ACO1: variants seen among roughly 807,000 people sequenced by gnomAD.
The protein encoded by ACO1 is aconitase 1, also known as cytoplasmic aconitate hydratase.
ACO1 carries 78 observed loss-of-function variants against 105.1 expected under a neutral mutation model. The observed-to-expected ratio is 0.74, with a 90% CI of 0.62 to 0.90. ACO1 has a LOEUF of 0.90. ACO1 is among the 40% of genes least tolerant of loss of function. The pLI is 0.00. For missense variants in ACO1, 965 were observed against 1,111.1 expected (o/e 0.87, Z 1.87); for synonymous variants, 364 against 397.4 (o/e 0.92, Z 1.00).
chr9:32,393,236 C>G (rs1014581769), intron 1 of ACO1, among the ~76,000 whole-genome samples: 1 of 152,304 alleles, frequency 6.6e-6, no homozygotes, highest in South Asian at 2.1e-4. Context: ...TTGTTTTTCT[C>G]AGCAAGGAAC....
At chr9:32,431,272 C>T (rs1483284169) in intron 14 of ACO1, among the ~76,000 whole-genome samples, 1 of 152,130 alleles carries the variant, frequency 6.6e-6, no homozygotes, top group Non-Finnish European at 1.5e-5. Context: ...TTCAGCTCTC[C>T]TGCGATATAT....
chr9:32,413,877 C>T (rs1049195037), intron 4 of ACO1, among the ~76,000 whole-genome samples: 2 of 151,880 alleles, frequency 1.3e-5, no homozygotes, highest in African/African-American at 2.4e-5. Flanking sequence ...TGACTGGGCA[C>T]GGTGGCTCAT....
intron 1 of ACO1, among the ~76,000 whole-genome samples, chr9:32,392,766 C>T (rs569272054): frequency 1.1e-3 from 161 of 152,274 alleles, no homozygotes; most frequent in Admixed American, 1.9e-3. Context: ...ACGGAGGGAC[C>T]GGCTGAAGCC....
At chr9:32,427,247 T>C (rs1822119768) in intron 11 of ACO1, 54 bp from the exon 12 acceptor site, 1 of 1,605,626 alleles carries the variant, frequency 6.2e-7, no homozygotes, top group East Asian at 2.2e-5. Context: ...GAAGTGTGCC[T>C]GGCACCTAGA....
At chr9:32,417,998 T>C (rs1376305756) in intron 4 of ACO1, 130 bp from the exon 5 acceptor site, 3 of 752,712 alleles carry the variant, frequency 4.0e-6, no homozygotes, top group Non-Finnish European at 6.6e-6. Flanking sequence ...TAAATAGTCA[T>C]GAATGAAATT....
At chr9:32,404,333 G>C in intron 1 of ACO1, among the ~76,000 whole-genome samples, 1 of 151,738 alleles carries the variant, frequency 6.6e-6, no homozygotes, top group African/African-American at 2.4e-5. Context: ...TAATCCCTCC[G>C]CCCCTTTTTT....
At chr9:32,427,153 GA>G (rs1822118000) in intron 11 of ACO1, 147 bp from the exon 12 acceptor site, 2 of 987,422 alleles carry the variant, frequency 2.0e-6, no homozygotes, top group Admixed American at 2.9e-5. Flanking sequence ...TTTGGCAGCA[GA>G]AACAGCAGAT....
At chr9:32,430,101 TC>T (rs1822192570) in intron 13 of ACO1, among the ~76,000 whole-genome samples, 1 of 152,232 alleles carries the variant, frequency 6.6e-6, no homozygotes, top group Non-Finnish European at 1.5e-5. Context: ...CATTGTGACT[TC>T]CTTTAACGAT....
intron 12 of ACO1, among the ~76,000 whole-genome samples, chr9:32,428,662 C>A (rs1822154317): frequency 6.6e-6 from 1 of 152,060 alleles, no homozygotes; most frequent in African/African-American, 2.4e-5. Flanking sequence ...CACGGTGAAA[C>A]CCCGTCTCTA....
intron 6 of ACO1, 46 bp downstream of exon 6, chr9:32,418,557 T>C: frequency 6.5e-7 from 1 of 1,545,610 alleles, no homozygotes; most frequent in East Asian, 2.3e-5. Context: ...GCACTTTAAT[T>C]CACTGTGATT....
chr9:32,420,888 T>G lies in ACO1; in HGVS notation c.831T>G (p.Phe277Leu). The G allele has an allele frequency of 6.2e-6, 10 of 1,613,944 alleles. No homozygotes were observed. The highest frequency in any genetic ancestry group is 7.6e-6 in the Non-Finnish European group (9 of 1,179,852). ...HLRQVGVVGKFVEFFGPGVAQ... is the reference protein window; with the variant it reads ...HLRQVGVVGKLVEFFGPGVAQ... ...GCCAGGTTGGGGTAGTGGGCAAATTTGTCGAGTTCTTCGGGCCTGGAGTAG... is the reference window on the plus strand; with the variant it reads ...GCCAGGTTGGGGTAGTGGGCAAATTGGTCGAGTTCTTCGGGCCTGGAGTAG... Residue 277 changes from phenylalanine (F) to leucine (L), a missense_variant, in exon 8 of 21, where the codon TTT becomes TTG. By Grantham distance (22) the Phe-to-Leu change is conservative. Transcript: ENST00000309951.
At chr9:32,422,620 C>G (rs576395400) in intron 8 of ACO1, among the ~76,000 whole-genome samples, 1 of 152,222 alleles carries the variant, frequency 6.6e-6, no homozygotes, top group African/African-American at 2.4e-5. Context: ...AGTTAAATAG[C>G]AGAGGGTTCA....
In ACO1 at chr9:32,424,650, C is replaced by A. The variant is rs781637839; in HGVS notation, c.1173C>A (p.Ser391Arg). The part of the protein sequence containing the change: ...AVSDMKKDFE[S>R]CLGAKQGFKG... ...CCGACATGAAAAAGGACTTTGAGAGCTGCCTTGGAGCCAAGGTAGGGGCCT... is the reference window on the plus strand; with the variant it reads ...CCGACATGAAAAAGGACTTTGAGAGATGCCTTGGAGCCAAGGTAGGGGCCT... Residue 391 changes from serine (S) to arginine (R), a missense_variant, in exon 10 of 21, where the codon AGC becomes AGA. Ser to Arg is a moderately radical substitution (Grantham distance 110). Transcript: ENST00000309951. 1 of 1,613,690 alleles carries A rather than the reference C, an allele frequency of 6.2e-7. No homozygotes were observed. Among genetic ancestry groups the A allele is most frequent in the African/African-American group, 1.3e-5 (1 of 74,888 alleles).
At chr9:32,416,950 G>C (rs1000593379) in intron 4 of ACO1, among the ~76,000 whole-genome samples, 16 of 152,358 alleles carry the variant, frequency 1.1e-4, no homozygotes, top group African/African-American at 3.4e-4. Flanking sequence ...ACAACGTAAT[G>C]TTGTCCTTTA....
At chr9:32,414,559 G>T (rs1821808901) in intron 4 of ACO1, among the ~76,000 whole-genome samples, 1 of 152,160 alleles carries the variant, frequency 6.6e-6, no homozygotes, top group African/African-American at 2.4e-5. Flanking sequence ...CACGTCCTAT[G>T]AACATGTCAC....
intron 20 of ACO1, among the ~76,000 whole-genome samples, chr9:32,449,739 A>G (rs1451652588): frequency 6.6e-6 from 1 of 152,148 alleles, no homozygotes; most frequent in Non-Finnish European, 1.5e-5. Flanking sequence ...TAGTTCTTAG[A>G]TGGCTCTCAC....
intron 4 of ACO1, among the ~76,000 whole-genome samples, chr9:32,413,271 G>C (rs574817216): frequency 1.3e-5 from 2 of 152,172 alleles, no homozygotes; most frequent in East Asian, 3.9e-4. Flanking sequence ...GGATCACGAG[G>C]TCAGGAGATC....
chr9:32,434,876 A>T (rs780111580), intron 17 of ACO1, among the ~76,000 whole-genome samples, 175 bp downstream of exon 17: 2 of 152,202 alleles, frequency 1.3e-5, no homozygotes, highest in Non-Finnish European at 2.9e-5. Context: ...AACAGCTTCC[A>T]TGGGAGAAAC....
intron 9 of ACO1, 142 bp from the exon 10 acceptor site, chr9:32,424,405 AAC>A: frequency 1.6e-6 from 1 of 636,412 alleles, no homozygotes; most frequent in South Asian, 2.0e-5. Flanking sequence ...GATTAAGAGA[AAC>A]ACTGGCTTCC....
Sources: allele counts gnomAD v4.1 joint callset (sites outside exome capture counted in the v4.1 genomes callset), GRCh38; gene constraint gnomAD v4.1.1; transcripts MANE v1.5; gene names NCBI Gene and HGNC (gene_info 2026-07-23, HGNC 2026-07-21).